Variants in KSR1 observed in about 807,000 individuals in gnomAD.
KSR1 encodes kinase suppressor of ras.
In KSR1, 35 loss-of-function variants were observed where a neutral mutation model predicts 92.9. That is an observed-to-expected ratio of 0.38 (90% CI 0.29 to 0.50). KSR1 has a LOEUF of 0.50. KSR1 is among the 20% of genes least tolerant of loss of function. The probability of loss-of-function intolerance (pLI) is 0.94; values close to 1 mark genes in which losing one functional copy is unlikely to be tolerated. For missense variants in KSR1, 972 were observed against 1,158.5 expected, an observed-to-expected ratio of 0.84 and a Z score of 2.34; for synonymous variants, 467 against 472.6, an observed-to-expected ratio of 0.99 and a Z score of 0.15.
chr17:27,579,720 A>G (rs1271504953), intron 3 of KSR1: 1 of 151,690 alleles, frequency 6.6e-6, no homozygotes, highest in East Asian at 1.9e-4. Flanking sequence ...TACAAAAAAT[A>G]CAAAAATTAG....
chr17:27,584,069 A>G, intron 4 of KSR1: 1 of 776,276 alleles, frequency 1.3e-6, no homozygotes, highest in Non-Finnish European at 1.6e-6. Context: ...TGTTACAAAG[A>G]TTGCCCTTGT....
Position 27,582,994 on chromosome 17 carries a change from C to T in KSR1, c.869C>T (p.Pro290Leu). The change falls in exon 4 of 21, where the codon CCC (proline) becomes CTC (leucine). Residue 290 changes from proline to leucine, a missense_variant. Coordinates refer to ENST00000644974, the MANE Select transcript of KSR1 (RefSeq NM_001394583.1). ...HTKLKPPRTP[P>L]PPSRKVFQLL... ...AAGCTGAAGCCACCACGGACGCCCCCCCCACCCAGCCGCAAGGTCTTCCAG... is the reference window on the plus strand; with the variant it reads ...AAGCTGAAGCCACCACGGACGCCCCTCCCACCCAGCCGCAAGGTCTTCCAG... 1 of 1,609,356 alleles carries T rather than the reference C, an allele frequency of 6.2e-7. No homozygotes were observed. The highest frequency in any genetic ancestry group is 8.5e-7 in the Non-Finnish European group (1 of 1,178,232).
intron 1 of KSR1, among the ~76,000 whole-genome samples, chr17:27,472,735 G>A (rs2020085067): frequency 6.6e-6 from 1 of 152,100 alleles, no homozygotes; most frequent in African/African-American, 2.4e-5. Context: ...CCTGGGAGAC[G>A]GAGGTTGCAG....
chr17:27,611,739 T>A, intron 18 of KSR1, 110 bp downstream of exon 18: 1 of 1,274,310 alleles, frequency 7.8e-7, no homozygotes, highest in Non-Finnish European at 1.1e-6. Flanking sequence ...TGAGGAGCTC[T>A]GCCACCTGCA....
chr17:27,584,056 T>A lies in KSR1; in HGVS notation c.980+951T>A, dbSNP rs903420829. On this transcript the variant is annotated intron_variant, in intron 4 of 20. Transcript: ENST00000644974. ...TTGATGGGCGTTAGATCATTGTCTT[T>A]TTTGTTACAAAGATTGCCCTTGTCA... The A allele has an allele frequency of 7.0e-5, 60 of 857,284 alleles. 1 individual carries two copies. In the South Asian group the frequency reaches 3.0e-3, roughly 43 times the overall value. The allele number at this position is 857,284 out of a possible 1,614,324, so 53.1% of individuals were successfully genotyped here.
intron 1 of KSR1, among the ~76,000 whole-genome samples, chr17:27,479,273 C>G (rs1000677009): frequency 1.3e-5 from 2 of 151,256 alleles, no homozygotes; most frequent in Non-Finnish European, 3.0e-5. Flanking sequence ...CATGCTTGTG[C>G]ATCTGTGCTC....
At chr17:27,603,805 G>C in intron 11 of KSR1, 29 bp from the exon 12 acceptor site, 2 of 1,613,130 alleles carry the variant, frequency 1.2e-6, no homozygotes, top group Non-Finnish European at 1.7e-6. Context: ...GCAATCTCAT[G>C]CTTTGTGTTT....
intron 1 of KSR1, among the ~76,000 whole-genome samples, chr17:27,523,010 T>G (rs1212210508): frequency 6.6e-6 from 1 of 152,150 alleles, no homozygotes; most frequent in Non-Finnish European, 1.5e-5. Context: ...AGGGGCCTCC[T>G]CTCTCACACA....
At chr17:27,582,532 C>G (rs888842558) in intron 3 of KSR1, 114 bp from the exon 4 acceptor site, 2 of 954,762 alleles carry the variant, frequency 2.1e-6, no homozygotes, top group Non-Finnish European at 3.1e-6. Context: ...GAAGCCTTCC[C>G]TTAAGAAACA....
rs1402787607 is a variant in KSR1 at position 27,588,467 on chromosome 17, C to T, written c.986-8C>T. On this transcript the variant is annotated splice_polypyrimidine_tract_variant and splice_region_variant and intron_variant, in intron 5 of 20. Transcript: ENST00000644974. ...CTCAGCCTGCCCATCCGGCCTCTTTCCCTGCAGATCTCTCGCATGGATCCC... is the reference window on the plus strand; with the variant it reads ...CTCAGCCTGCCCATCCGGCCTCTTTTCCTGCAGATCTCTCGCATGGATCCC... 6.4e-7 allele frequency: 1 copy of T among 1,572,390 alleles called. No individual in the cohort carries two copies. Among genetic ancestry groups the T allele is most frequent in the Admixed American group, 1.8e-5 (1 of 54,152 alleles).
chr17:27,491,302 GTGGTGTGTGT>G (rs2150961729), intron 1 of KSR1, among the ~76,000 whole-genome samples: 1 of 94,056 alleles, frequency 1.1e-5, no homozygotes, highest in South Asian at 3.9e-4. Context: ...TTTTTTGTTA[GTGGTGTGTGT>G]GTGTGTGTGT....
At chr17:27,524,370 G>A (rs142701547) in intron 1 of KSR1, among the ~76,000 whole-genome samples, 1 of 152,298 alleles carries the variant, frequency 6.6e-6, no homozygotes, top group East Asian at 1.9e-4. Context: ...TTGAACAGCT[G>A]AGGAAATGTG....
chr17:27,620,742 A>G (rs545329616), intron 19 of KSR1, among the ~76,000 whole-genome samples: 27 of 152,318 alleles, frequency 1.8e-4, no homozygotes, highest in Admixed American at 3.3e-4. Flanking sequence ...TTGCTTAACA[A>G]GCTGGGCCCT....
chr17:27,617,232 C>CCTA (rs952905906), intron 18 of KSR1, 63 bp from the exon 19 acceptor site: 2 of 1,542,860 alleles, frequency 1.3e-6, no homozygotes, highest in African/African-American at 2.7e-5. Context: ...GTGGAGCACC[C>CCTA]CTACTGTGTG....
chr17:27,503,789 T>C (rs1219433358), intron 1 of KSR1, among the ~76,000 whole-genome samples: 1 of 152,176 alleles, frequency 6.6e-6, no homozygotes, highest in Non-Finnish European at 1.5e-5. Flanking sequence ...TACCCTCTCG[T>C]GCTCCTAGAT....
At chr17:27,583,321 C>T (rs983610920) in intron 4 of KSR1, among the ~76,000 whole-genome samples, 7 of 152,224 alleles carry the variant, frequency 4.6e-5, no homozygotes, top group Non-Finnish European at 1.0e-4. Flanking sequence ...ATGCACATGA[C>T]GTGATGCCAC....
chr17:27,473,048 T>G (rs1180183141), intron 1 of KSR1, among the ~76,000 whole-genome samples: 1 of 152,120 alleles, frequency 6.6e-6, no homozygotes, highest in Non-Finnish European at 1.5e-5. Flanking sequence ...GGACCACAGG[T>G]GTATGCCACC....
intron 1 of KSR1, among the ~76,000 whole-genome samples, chr17:27,531,717 C>T (rs1198275555): frequency 1.3e-5 from 2 of 152,192 alleles, no homozygotes; most frequent in Non-Finnish European, 2.9e-5. Context: ...TGACAAAGGC[C>T]ACTGTGGCAC....
intron 3 of KSR1, among the ~76,000 whole-genome samples, chr17:27,581,871 C>T (rs533478651): frequency 2.6e-5 from 4 of 152,336 alleles, no homozygotes; most frequent in African/African-American, 9.6e-5. Context: ...GGGCAGCCCA[C>T]AGTCACTCGA....
Sources: allele counts gnomAD v4.1 joint callset (sites outside exome capture counted in the v4.1 genomes callset), GRCh38; gene constraint gnomAD v4.1.1; transcripts MANE v1.5; gene names NCBI Gene and HGNC (gene_info 2026-07-23, HGNC 2026-07-21).